TF: variants seen among roughly 807,000 people sequenced by gnomAD.
TF encodes the protein serotransferrin.
Under a neutral mutation model 82.4 loss-of-function variants are expected in TF, and 55 were observed. The ratio of observed to expected loss-of-function variants is 0.67; its 90% confidence interval spans 0.54 to 0.84. The LOEUF is 0.84. TF is among the 40% of genes least tolerant of loss of function. The pLI is 0.00. For synonymous variants in TF, 332 were observed against 332.6 expected, an observed-to-expected ratio of 1.00 and a Z score of 0.02; for missense variants, 737 against 868.4, an observed-to-expected ratio of 0.85 and a Z score of 1.90.
chr3:133,753,968 G>T, intron 3 of TF: 1 of 572,492 alleles, frequency 1.7e-6, no homozygotes, highest in Non-Finnish European at 3.1e-6. Context: ...GCTGTGTGCA[G>T]CTTGACCTGA....
chr3:133,693,271 T>C, the TF span, among the ~76,000 whole-genome samples: 82,316 of 151,980 alleles, frequency 0.54, 22,417 homozygotes, highest in Middle Eastern at 0.57. Context: ...AGACACACTA[T>C]TGGCACCCAG....
chr3:133,771,743 CAAAAAA>C (rs71136494), intron 14 of TF, among the ~76,000 whole-genome samples: 1 of 56,564 alleles, frequency 1.8e-5, no homozygotes, highest in African/African-American at 1.0e-4. Context: ...GACTCCGTCT[CAAAAAA>C]AAAAAAAAAA....
In TF at chr3:133,775,530, C is replaced by A; in HGVS notation, c.1785C>A (p.Asn595Lys). The A allele has an allele frequency of 6.2e-7, 1 of 1,614,200 alleles. No individual in the cohort carries two copies. Among genetic ancestry groups the A allele is most frequent in the Admixed American group, 1.7e-5 (1 of 60,028 alleles). The part of the protein sequence containing the change: ...GTRKPVEEYA[N>K]CHLARAPNHA... Reference sequence around the variant, plus strand: ...GGAAACCTGTGGAGGAGTATGCGAACTGCCACCTGGCCAGAGCCCCGAATC... The same window carrying A: ...GGAAACCTGTGGAGGAGTATGCGAAATGCCACCTGGCCAGAGCCCCGAATC... Residue 595 changes from asparagine (N) to lysine (K), a missense_variant, in exon 15 of 17, where the codon AAC becomes AAA. By Grantham distance (94) the Asn-to-Lys change is moderately conservative (BLOSUM62 0). Transcript: ENST00000402696.
In TF at chr3:133,796,518, C is replaced by G. The variant is rs2107960386; in HGVS notation, c.*17898C>G. Reference sequence around the variant, plus strand: ...CATACACTGAGTAACCAATGGAAACCTCTAGAGGGTATTTAAACCCCAGAA... The same window carrying G: ...CATACACTGAGTAACCAATGGAAACGTCTAGAGGGTATTTAAACCCCAGAA... On this transcript the variant is annotated 3_prime_UTR_variant, in exon 17 of 17. Transcript: ENST00000402696. 6.6e-6 allele frequency: 1 copy of G among 152,346 alleles called. No individual in the cohort carries two copies. The allele number at this position is 152,346 out of a possible 1,614,324, so 9.4% of individuals were successfully genotyped here.
In TF at chr3:133,756,996, T is replaced by G; in HGVS notation, c.857T>G (p.Leu286Arg). 1 of 1,614,178 alleles carries G rather than the reference T, an allele frequency of 6.2e-7. No homozygotes were observed. The highest frequency in any genetic ancestry group is 8.5e-7 in the Non-Finnish European group (1 of 1,180,016). The change falls in exon 7 of 17, where the codon CTC becomes CGC. Residue 286 changes from leucine to arginine, a missense_variant. By Grantham distance (102) the Leu-to-Arg change is moderately radical (BLOSUM62 -2). Coordinates refer to ENST00000402696, the MANE Select transcript of TF (RefSeq NM_001063.4). ...GGKEDLIWEL[L>R]NQAQEHFGKD... ...AAGGAGGACTTGATCTGGGAGCTTCTCAACCAGGCCCAGGTATCCCCACCT... is the reference window on the plus strand; with the variant it reads ...AAGGAGGACTTGATCTGGGAGCTTCGCAACCAGGCCCAGGTATCCCCACCT...
the TF span, among the ~76,000 whole-genome samples, chr3:133,698,807 T>C: frequency 1.3e-5 from 2 of 152,240 alleles, no homozygotes; most frequent in Non-Finnish European, 2.9e-5. Context: ...CACTTTTCAA[T>C]ACCTAGACAA....
the TF span, among the ~76,000 whole-genome samples, chr3:133,684,915 A>G: frequency 6.6e-6 from 1 of 152,248 alleles, no homozygotes; most frequent in African/African-American, 2.4e-5. Context: ...AGAGAATTTT[A>G]GACCAATATC....
chr3:133,778,332 A>G (rs796109937), intron 16 of TF: 3 of 395,900 alleles, frequency 7.6e-6, no homozygotes, highest in South Asian at 6.5e-5. Flanking sequence ...AGCCTCGCCC[A>G]TAAGAAACAA....
At chr3:133,729,003 G>T in the TF span, among the ~76,000 whole-genome samples, 1 of 152,156 alleles carries the variant, frequency 6.6e-6, no homozygotes, top group African/African-American at 2.4e-5. Flanking sequence ...CTGTCTGATC[G>T]TTCCTCTGGA....
At chr3:133,735,592 A>G in the TF span, among the ~76,000 whole-genome samples, 1 of 152,218 alleles carries the variant, frequency 6.6e-6, no homozygotes, top group East Asian at 1.9e-4. Flanking sequence ...TACAATAATC[A>G]GTTTGAAGAA....
At chr3:133,734,110 A>G in the TF span, among the ~76,000 whole-genome samples, 1 of 152,116 alleles carries the variant, frequency 6.6e-6, no homozygotes, top group African/African-American at 2.4e-5. Context: ...AGTGCTGTTC[A>G]GTTGGAATTG....
chr3:133,668,180 T>C, the TF span, among the ~76,000 whole-genome samples: 2 of 152,236 alleles, frequency 1.3e-5, no homozygotes, highest in Non-Finnish European at 2.9e-5. Context: ...GTTACGAACA[T>C]TTTGAGATAA....
the TF span, among the ~76,000 whole-genome samples, chr3:133,706,534 G>T: frequency 2.0e-5 from 3 of 152,114 alleles, no homozygotes; most frequent in Non-Finnish European, 4.4e-5. Context: ...AAATTCTGGG[G>T]CTCCATCCTA....
chr3:133,743,978 G>A (rs1412249692), upstream of TF, among the ~76,000 whole-genome samples: 2 of 152,228 alleles, frequency 1.3e-5, no homozygotes, highest in Non-Finnish European at 2.9e-5. Flanking sequence ...CAAAAGCCAA[G>A]GCCCTGGCCT....
chr3:133,755,307 A>G, intron 4 of TF, 56 bp from the exon 5 acceptor site: 1 of 1,613,064 alleles, frequency 6.2e-7, no homozygotes, highest in Non-Finnish European at 8.5e-7. Flanking sequence ...GGGTGATGCC[A>G]TTGGCTGTGG....
chr3:133,765,001 G>T, intron 11 of TF, 94 bp downstream of exon 11: 1 of 1,264,068 alleles, frequency 7.9e-7, no homozygotes, highest in Non-Finnish European at 1.2e-6. Flanking sequence ...ATAAGGTGCT[G>T]TAAGAGACCA....
chr3:133,678,373 C>T, the TF span, among the ~76,000 whole-genome samples: 2 of 152,180 alleles, frequency 1.3e-5, no homozygotes, highest in African/African-American at 4.8e-5. Context: ...TGGGTATATA[C>T]CCAGTAATGG....
chr3:133,732,589 G>C, the TF span, among the ~76,000 whole-genome samples: 2 of 152,208 alleles, frequency 1.3e-5, no homozygotes, highest in African/African-American at 4.8e-5. Flanking sequence ...GCTGCGCACT[G>C]TTTGGGTCCA....
chr3:133,738,063 A>C, the TF span, among the ~76,000 whole-genome samples: 1 of 152,364 alleles, frequency 6.6e-6, no homozygotes, highest in South Asian at 2.1e-4. Context: ...AAAATCTTCA[A>C]TAAAATACTG....
Sources: gnomAD v4.1 joint callset for allele counts (sites outside exome capture counted in the v4.1 genomes callset) on GRCh38, gnomAD v4.1.1 for gene constraint, MANE v1.5 for transcripts, NCBI Gene and HGNC (gene_info 2026-07-23, HGNC 2026-07-21) for gene names.